Variants in KIRREL3 observed in about 807,000 individuals in gnomAD.
KIRREL3 encodes kirre like nephrin family adhesion molecule 3.
A neutral mutation model predicts 89.7 loss-of-function variants in KIRREL3; 36 were observed. The observed-to-expected ratio is 0.40, with a 90% confidence interval of 0.31 to 0.53. KIRREL3 has a LOEUF of 0.53. KIRREL3 is among the 20% of genes least tolerant of loss of function. KIRREL3 has a pLI of 0.49. For missense variants in KIRREL3, 864 were observed against 1,056.6 expected (o/e 0.82, Z 2.53); for synonymous variants, 445 against 441.4 (o/e 1.01, Z -0.10).
In KIRREL3 at chr11:126,733,516, C is replaced by T. The variant is rs150123390; in HGVS notation, c.56-170604G>A. ...TCTGAGCTGTCACTTGCTATAAAAGCGATCATTGATATTCAGCCATTATGC... is the reference window on the plus strand; with the variant it reads ...TCTGAGCTGTCACTTGCTATAAAAGTGATCATTGATATTCAGCCATTATGC... On this transcript the variant is annotated intron_variant, in intron 1 of 16. Transcript: ENST00000525144. 3.2e-4 allele frequency among the ~76,000 whole-genome samples: 42 copies of T among 131,156 alleles called. No individual in the cohort carries two copies. The East Asian group carries it at 7.4e-3, about 23-fold the overall frequency. 86.0% of individuals were successfully genotyped at this position (131,156 alleles called of 152,430 possible). A position where few individuals can be genotyped will look rare whatever the true frequency, so the allele number is the denominator to read the frequency against.
chr11:126,679,691 T>A (rs888655727), intron 1 of KIRREL3, among the ~76,000 whole-genome samples: 5 of 152,208 alleles, frequency 3.3e-5, no homozygotes, highest in Non-Finnish European at 7.3e-5. Flanking sequence ...TCAGTATAAA[T>A]CACGAAGTTT....
chr11:126,849,213 C>T (rs1406219839), intron 1 of KIRREL3, among the ~76,000 whole-genome samples: 1 of 152,172 alleles, frequency 6.6e-6, no homozygotes, highest in Non-Finnish European at 1.5e-5. Flanking sequence ...GTCGTCCTCA[C>T]TGCTACACTC....
At chr11:126,588,345 T>C (rs1394096613) in intron 1 of KIRREL3, among the ~76,000 whole-genome samples, 1 of 152,232 alleles carries the variant, frequency 6.6e-6, no homozygotes, top group Non-Finnish European at 1.5e-5. Flanking sequence ...ACAGGTATCC[T>C]TGAAGAGAGG....
intron 1 of KIRREL3, among the ~76,000 whole-genome samples, chr11:126,678,459 G>A (rs1484840515): frequency 2.6e-5 from 4 of 151,966 alleles, no homozygotes; most frequent in Non-Finnish European, 2.9e-5. Flanking sequence ...AATTAGCCAG[G>A]CATGGTGGCA....
rs1176443154 is a variant in KIRREL3 at position 126,723,587 on chromosome 11, G to A, written c.56-160675C>T. Among the ~76,000 whole-genome samples the A allele has an allele frequency of 1.3e-5, 2 of 152,178 alleles. No individual in the cohort carries two copies. The highest frequency in any genetic ancestry group is 2.9e-5 in the Non-Finnish European group (2 of 68,048). ...CTATGCTTTTAAAATAAAGGCCTTA[G>A]TGGATCTCAACTTCAGCAAACAGAA... On this transcript the variant is annotated intron_variant, in intron 1 of 16. Coordinates refer to ENST00000525144, the MANE Select transcript of KIRREL3 (RefSeq NM_032531.4). This position sits in a 1 kb window ranked among gnomAD's most constrained non-coding sequence, Gnocchi z 4.0.
In KIRREL3 at chr11:126,764,296, G is replaced by A. The variant is rs140443900; in HGVS notation, c.56-201384C>T. ...TTGGCAAATGTCCATTCTGTCAGGCGCCCTGCCTCTTGCCACCTCTTTCTT... is the reference window on the plus strand; with the variant it reads ...TTGGCAAATGTCCATTCTGTCAGGCACCCTGCCTCTTGCCACCTCTTTCTT... On this transcript the variant is annotated intron_variant, in intron 1 of 16. Transcript: ENST00000525144. This position sits in a 1 kb window ranked among gnomAD's most constrained non-coding sequence, Gnocchi z 4.2. Among the ~76,000 whole-genome samples, 1,139 of 152,142 alleles carry A rather than the reference G, an allele frequency of 7.5e-3. 11 individuals carry two copies. Among genetic ancestry groups the A allele is most frequent in the South Asian group, 0.025 (119 of 4,812 alleles).
At chr11:126,856,023 G>C (rs536596084) in intron 1 of KIRREL3, among the ~76,000 whole-genome samples, 5 of 152,308 alleles carry the variant, frequency 3.3e-5, no homozygotes, top group East Asian at 1.9e-4. Flanking sequence ...CTGCAGCCTA[G>C]TATTTCCCAA....
At chr11:126,815,099 C>T (rs1358344052) in intron 1 of KIRREL3, among the ~76,000 whole-genome samples, 1 of 152,112 alleles carries the variant, frequency 6.6e-6, no homozygotes, top group Admixed American at 6.5e-5. Flanking sequence ...AAGTCTCTTA[C>T]GGTGTTGGCT....
intron 12 of KIRREL3, among the ~76,000 whole-genome samples, chr11:126,435,644 GGAT>G (rs749555169): frequency 3.3e-5 from 5 of 152,182 alleles, no homozygotes; most frequent in Non-Finnish European, 7.3e-5. Context: ...GATGATGTGT[GGAT>G]GATATTATGC....
At chr11:126,591,344 G>A (rs1942123693) in intron 1 of KIRREL3, among the ~76,000 whole-genome samples, 1 of 152,232 alleles carries the variant, frequency 6.6e-6, no homozygotes, top group African/African-American at 2.4e-5. Flanking sequence ...CCTTCACCAA[G>A]AGAATCCCTT....
intron 4 of KIRREL3, among the ~76,000 whole-genome samples, chr11:126,517,138 G>GAGAGAGAGAGAGAC (rs1958439298): frequency 2.6e-5 from 1 of 37,928 alleles, no homozygotes; most frequent in African/African-American, 1.0e-4. Context: ...GAGAGAGAAA[G>GAGAGAGAGAGAGAC]AGAGAGAGAG....
intron 1 of KIRREL3, among the ~76,000 whole-genome samples, chr11:126,871,700 G>A (rs1236827026): frequency 6.6e-6 from 1 of 152,192 alleles, no homozygotes; most frequent in African/African-American, 2.4e-5. Context: ...ATTTGTTTGA[G>A]CATCTTCATG....
At chr11:126,919,286 G>A (rs1039077093) in intron 1 of KIRREL3, among the ~76,000 whole-genome samples, 3 of 152,098 alleles carry the variant, frequency 2.0e-5, no homozygotes, top group African/African-American at 4.8e-5. Flanking sequence ...GGAGCAAGCT[G>A]GGCCCCTTGG....
In KIRREL3 at chr11:126,579,853, T is replaced by TG. The variant is rs1941449829; in HGVS notation, c.56-16942_56-16941insC. On this transcript the variant is annotated intron_variant, in intron 1 of 16. Coordinates refer to ENST00000525144, the MANE Select transcript of KIRREL3 (RefSeq NM_032531.4). This position sits in a 1 kb window ranked among gnomAD's most constrained non-coding sequence, Gnocchi z 5.3. ...TCCTTAAAAGAGGGAGCCAAGTCAT[T>TG]TTTTTTTTTTGAGGCAGAGTCTTGC... 6.6e-6 allele frequency among the ~76,000 whole-genome samples: 1 copy of TG among 150,376 alleles called. No homozygotes were observed. Among genetic ancestry groups the TG allele is most frequent in the Admixed American group, 6.6e-5 (1 of 15,100 alleles).
chr11:126,545,345 T>A (rs1217215305), intron 2 of KIRREL3, among the ~76,000 whole-genome samples: 2 of 152,174 alleles, frequency 1.3e-5, no homozygotes, highest in African/African-American at 2.4e-5. Flanking sequence ...GATATCTATC[T>A]GGATCGGGGA....
chr11:126,447,261 C>T (rs1001476326), intron 8 of KIRREL3, among the ~76,000 whole-genome samples: 21 of 150,606 alleles, frequency 1.4e-4, no homozygotes, highest in African/African-American at 4.6e-4. Flanking sequence ...GGAAGCCCCT[C>T]CATCCCAGTG....
At chr11:126,945,616 C>T (rs1055654904) in intron 1 of KIRREL3, among the ~76,000 whole-genome samples, 2 of 152,186 alleles carry the variant, frequency 1.3e-5, no homozygotes, top group African/African-American at 4.8e-5. Context: ...ACCCTAATCA[C>T]CTGCCTCATT....
rs1949239580 is a variant in KIRREL3, at chr11:126,965,541, A to C, written c.55+34914T>G. Among the ~76,000 whole-genome samples, 1 of 152,144 alleles carries C rather than the reference A, an allele frequency of 6.6e-6. No homozygotes were observed. Among genetic ancestry groups the C allele is most frequent in the African/African-American group, 2.4e-5 (1 of 41,432 alleles). On this transcript the variant is annotated intron_variant, in intron 1 of 16. Coordinates refer to ENST00000525144, the MANE Select transcript of KIRREL3 (RefSeq NM_032531.4). The surrounding 1 kb of genome is among the most constrained non-coding windows in gnomAD (Gnocchi z 4.4). ...TGGAACCCTATTGTGAAAGACTAAC[A>C]CGTGCGTCATTGCCATTTGAATTCA...
intron 1 of KIRREL3, among the ~76,000 whole-genome samples, chr11:126,779,699 A>G (rs570484892): frequency 1.6e-4 from 25 of 152,342 alleles, no homozygotes; most frequent in African/African-American, 4.8e-4. Context: ...GAACAAAATT[A>G]TAATGTCCTT....
Sources: allele counts gnomAD v4.1 joint callset (sites outside exome capture counted in the v4.1 genomes callset), GRCh38; gene constraint gnomAD v4.1.1; non-coding constraint Gnocchi (gnomAD v3.1); transcripts MANE v1.5; gene names NCBI Gene and HGNC (gene_info 2026-07-23, HGNC 2026-07-21).